MEF2B: variants seen among roughly 807,000 people sequenced by gnomAD.
The protein encoded by MEF2B is myocyte enhancer factor 2B.
A neutral mutation model predicts 32.2 loss-of-function variants in MEF2B; 15 were observed. That is an observed-to-expected ratio of 0.47 (90% CI 0.31 to 0.72). MEF2B has a LOEUF of 0.72. MEF2B is among the 30% of genes least tolerant of loss of function. The probability of loss-of-function intolerance (pLI) is 0.05; values close to 1 mark genes in which losing one functional copy is unlikely to be tolerated. For missense variants in MEF2B, 441 were observed against 511.5 expected (o/e 0.86, Z 1.33); for synonymous variants, 205 against 225.6 (o/e 0.91, Z 0.82).
Position 19,146,598 on chromosome 19 carries a change from T to G in MEF2B, c.726A>C (p.Gly242=), listed in dbSNP as rs2146350373. Residue 242 remains glycine, a synonymous_variant, in exon 7 of 9, where the codon GGA becomes GGC. Coordinates refer to ENST00000424583, the MANE Select transcript of MEF2B (RefSeq NM_001145785.2). ...LQNPCSTATP[G]PPLGSFPFLP... Reference sequence around the variant, plus strand: ...GGAAGGGGAAGCTCCCCAGTGGGGGTCCGGGAGTTGCAGTGGAGCAGGGGT... The same window carrying G: ...GGAAGGGGAAGCTCCCCAGTGGGGGGCCGGGAGTTGCAGTGGAGCAGGGGT... 6.2e-7 allele frequency: 1 copy of G among 1,603,704 alleles called. No individual in the cohort carries two copies. Among genetic ancestry groups the G allele is most frequent in the Non-Finnish European group, 8.5e-7 (1 of 1,175,862 alleles).
Position 19,147,096 on chromosome 19 carries a change from G to A in MEF2B, c.481C>T (p.Leu161=), listed in dbSNP as rs368955474. ...GCDPSGLGEA[L]PAQSRPSPFR... The stretch of plus-strand genomic sequence containing the variant: ...GGAGATGGGCGGCTCTGGGCGGGCA[G>A]TGCTTCCCCAAGCCCACTGGGGTCA... The change falls in exon 5 of 9, where the codon CTG becomes TTG. Residue 161 remains leucine, a synonymous_variant. Transcript: ENST00000424583. 13 of 1,609,368 alleles carry A rather than the reference G, an allele frequency of 8.1e-6. No individual in the cohort carries two copies. The highest frequency in any genetic ancestry group is 1.1e-5 in the Non-Finnish European group (13 of 1,178,890).
intron 1 of MEF2B, among the ~76,000 whole-genome samples, chr19:19,167,544 AAAGAAAG>A (rs2060219364): frequency 6.6e-6 from 1 of 151,908 alleles, no homozygotes; most frequent in African/African-American, 2.4e-5. Context: ...AGAAAGAAAG[AAAGAAAG>A]AAACCTCTTC....
intron 1 of MEF2B, among the ~76,000 whole-genome samples, chr19:19,160,093 C>T (rs1051860143): frequency 2.0e-5 from 3 of 151,768 alleles, no homozygotes. Flanking sequence ...CTCAGACTCC[C>T]GAGTAGCTGG....
At chr19:19,160,687 G>A (rs116055483) in intron 1 of MEF2B, among the ~76,000 whole-genome samples, 1,637 of 151,890 alleles carry the variant, frequency 0.011, 27 homozygotes, top group African/African-American at 0.036. Flanking sequence ...CGCTGCTCCC[G>A]GCCCCTGCAG....
intron 1 of MEF2B, among the ~76,000 whole-genome samples, chr19:19,162,884 G>C (rs1168082677): frequency 6.6e-6 from 1 of 152,078 alleles, no homozygotes; most frequent in Non-Finnish European, 1.5e-5. Context: ...TGTTTGCAGG[G>C]GTCCCCACAA....
intron 1 of MEF2B, among the ~76,000 whole-genome samples, chr19:19,158,473 C>A (rs1356852373): frequency 6.8e-6 from 1 of 147,388 alleles, no homozygotes; most frequent in Non-Finnish European, 1.5e-5. Flanking sequence ...CAAACTAGGG[C>A]CAGGCCAGGC....
intron 1 of MEF2B, 32 bp downstream of exon 1, chr19:19,170,173 C>T (rs1022749955): frequency 7.5e-6 from 3 of 398,526 alleles, no homozygotes; most frequent in Admixed American, 4.4e-5. Flanking sequence ...TCAGAGGACA[C>T]CACAGGAGTC....
chr19:19,145,801 C>T lies in MEF2B; in HGVS notation c.1103G>A (p.Arg368Gln). ...RRLPLADGWPR is the reference protein window; with the variant it reads ...RRLPLADGWPQ Reference sequence around the variant, plus strand: ...CTGGTGCCACCGGGTGATCTCCTACCGGGGCCAGCCGTCGGCCAAGGGCAG... The same window carrying T: ...CTGGTGCCACCGGGTGATCTCCTACTGGGGCCAGCCGTCGGCCAAGGGCAG... The change falls in exon 9 of 9, where the codon CGG (arginine) becomes CAG (glutamine). Residue 368 changes from arginine to glutamine, a missense_variant. By Grantham distance (43) the Arg-to-Gln change is conservative (BLOSUM62 1). Transcript: ENST00000424583. This position sits in a 1 kb window ranked among gnomAD's most constrained non-coding sequence, Gnocchi z 4.6. The T allele has an allele frequency of 1.3e-6, 2 of 1,540,026 alleles. No individual in the cohort carries two copies. Among genetic ancestry groups the T allele is most frequent in the East Asian group, 2.4e-5 (1 of 40,954 alleles).
At chr19:19,164,523 C>T (rs2060191414) in intron 1 of MEF2B, among the ~76,000 whole-genome samples, 3 of 152,204 alleles carry the variant, frequency 2.0e-5, no homozygotes, top group Admixed American at 6.5e-5. Flanking sequence ...GCCAAGAAGG[C>T]CTGTTCCAGG....
chr19:19,150,182 G>GGGAAGGAAGGAAGGAA (rs762140000), intron 2 of MEF2B, among the ~76,000 whole-genome samples: 8 of 110,112 alleles, frequency 7.3e-5, no homozygotes, highest in African/African-American at 2.7e-4. Context: ...GAGGGAGGGA[G>GGGAAGGAAGGAAGGAA]GGAAGGAAGG....
At chr19:19,158,068 T>A (rs1466303963) in intron 1 of MEF2B, among the ~76,000 whole-genome samples, 1 of 151,556 alleles carries the variant, frequency 6.6e-6, no homozygotes, top group African/African-American at 2.4e-5. Context: ...TTTCTTCGTG[T>A]GATTTATTTC....
At chr19:19,151,253 G>C (rs2060077713) in intron 1 of MEF2B, among the ~76,000 whole-genome samples, 1 of 151,972 alleles carries the variant, frequency 6.6e-6, no homozygotes, top group South Asian at 2.1e-4. Flanking sequence ...AGTCTTTAAA[G>C]GAAAAAGAAA....
chr19:19,153,406 G>T lies in MEF2B; in HGVS notation c.-29-2642C>A, dbSNP rs184748904. ...GGTGGGGATGAGGCCACAGAGGTTG[G>T]GCCATTCTAGGACTCCTTCTTTTGG... On this transcript the variant is annotated intron_variant, in intron 1 of 8. Coordinates refer to ENST00000424583, the MANE Select transcript of MEF2B (RefSeq NM_001145785.2). Among the ~76,000 whole-genome samples, 172 of 152,018 alleles carry T rather than the reference G, an allele frequency of 1.1e-3. 2 individuals carry two copies. The highest frequency in any genetic ancestry group is 2.4e-4 in the Non-Finnish European group (16 of 67,940).
chr19:19,149,694 C>G (rs2060056683), intron 2 of MEF2B, among the ~76,000 whole-genome samples: 1 of 152,116 alleles, frequency 6.6e-6, no homozygotes, highest in Non-Finnish European at 1.5e-5. Context: ...TCCCTCTGTT[C>G]TGGCCCTCTG....
At chr19:19,164,761 C>G (rs1326020969) in intron 1 of MEF2B, among the ~76,000 whole-genome samples, 1 of 152,158 alleles carries the variant, frequency 6.6e-6, no homozygotes, top group Non-Finnish European at 1.5e-5. Context: ...TCACCCAGCC[C>G]ATGGAGCCAA....
intron 1 of MEF2B, among the ~76,000 whole-genome samples, chr19:19,157,619 G>A (rs1247774104): frequency 3.3e-5 from 5 of 152,160 alleles, no homozygotes; most frequent in African/African-American, 4.8e-5. Flanking sequence ...AGGCCAAGGC[G>A]GGCAGATCAC....
At position 19,147,731 on chromosome 19, in the gene MEF2B, C is replaced by G. The variant is rs1361991702; in HGVS notation, c.360G>C (p.Gly120=). 1 of 1,613,786 alleles carries G rather than the reference C, an allele frequency of 6.2e-7. No individual in the cohort carries two copies. Among genetic ancestry groups the G allele is most frequent in the Non-Finnish European group, 8.5e-7 (1 of 1,179,912 alleles). ...GEKFRRLAGE[G]GDPALPRPRL... Reference sequence around the variant, plus strand: ...GGGGTCGGGGCAAGGCCGGATCACCCCCTTCGCCTGCCAGCCTCCGAAACT... The same window carrying G: ...GGGGTCGGGGCAAGGCCGGATCACCGCCTTCGCCTGCCAGCCTCCGAAACT... Residue 120 remains glycine (G), a synonymous_variant, in exon 4 of 9, where the codon GGG becomes GGC. Coordinates refer to ENST00000424583, the MANE Select transcript of MEF2B (RefSeq NM_001145785.2).
chr19:19,149,945 C>T (rs1213744132), intron 2 of MEF2B, among the ~76,000 whole-genome samples: 1 of 151,064 alleles, frequency 6.6e-6, no homozygotes, highest in Admixed American at 6.6e-5. Flanking sequence ...CCTAGCCAGG[C>T]GTGGTGGTGG....
At chr19:19,160,623 G>A (rs1370774311) in intron 1 of MEF2B, among the ~76,000 whole-genome samples, 1 of 139,912 alleles carries the variant, frequency 7.1e-6, no homozygotes, top group East Asian at 2.1e-4. Flanking sequence ...AGGCAGGTGG[G>A]TTGGGTGGGG....
Sources: gnomAD v4.1 joint callset for allele counts (sites outside exome capture counted in the v4.1 genomes callset) on GRCh38, gnomAD v4.1.1 for gene constraint, Gnocchi (gnomAD v3.1) non-coding constraint, MANE v1.5 for transcripts, NCBI Gene and HGNC (gene_info 2026-07-23, HGNC 2026-07-21) for gene names.